Variants in AGMO observed in about 807,000 individuals in gnomAD.
AGMO encodes alkylglycerol monooxygenase.
A neutral mutation model predicts 60.2 loss-of-function variants in AGMO; 75 were observed. That is an observed-to-expected ratio of 1.25 (90% CI 1.03 to 1.51). AGMO has a LOEUF of 1.51. AGMO is among the 40% of genes most tolerant of loss of function. AGMO has a pLI of 0.00. For missense variants in AGMO, 763 were observed against 525.5 expected (o/e 1.45, Z -4.42); for synonymous variants, 261 against 177.1 (o/e 1.47, Z -3.76).
At chr7:15,545,069 T>C (rs943945829) in intron 2 of AGMO, 146 bp from the exon 3 acceptor site, 2 of 531,660 alleles carry the variant, frequency 3.8e-6, no homozygotes, top group Non-Finnish European at 5.8e-6. Flanking sequence ...ATGTCATTCC[T>C]TTTAAAGGCT....
At chr7:15,161,536 A>G in the AGMO span, among the ~76,000 whole-genome samples, 5 of 151,650 alleles carry the variant, frequency 3.3e-5, no homozygotes, top group East Asian at 7.8e-4. Context: ...TATGGATCAT[A>G]TATGCATTAA....
At chr7:15,490,061 G>T (rs1034373860) in intron 3 of AGMO, among the ~76,000 whole-genome samples, 9 of 152,156 alleles carry the variant, frequency 5.9e-5, no homozygotes, top group African/African-American at 2.2e-4. Flanking sequence ...ATATCAAAAA[G>T]ATATTATAAC....
chr7:15,171,656 T>A, the AGMO span, among the ~76,000 whole-genome samples: 1 of 152,222 alleles, frequency 6.6e-6, no homozygotes, highest in African/African-American at 2.4e-5. Context: ...TCTTTCCATG[T>A]CATAAATTAT....
the AGMO span, among the ~76,000 whole-genome samples, chr7:15,146,066 G>A: frequency 4.6e-5 from 7 of 152,128 alleles, no homozygotes; most frequent in South Asian, 2.1e-4. Context: ...AAAAACTAAC[G>A]AAACAGATCT....
chr7:15,343,090 C>A (rs1781917609), intron 12 of AGMO, among the ~76,000 whole-genome samples: 1 of 151,944 alleles, frequency 6.6e-6, no homozygotes, highest in Non-Finnish European at 1.5e-5. Flanking sequence ...TTTATATTTT[C>A]CTATAGCAAT....
intron 2 of AGMO, among the ~76,000 whole-genome samples, chr7:15,546,116 C>A (rs1784776488): frequency 6.6e-6 from 1 of 151,934 alleles, no homozygotes. Flanking sequence ...TAATTTTATT[C>A]TTGAATTTAA....
chr7:15,220,798 C>T (rs1017188419), intron 12 of AGMO, among the ~76,000 whole-genome samples: 1 of 151,938 alleles, frequency 6.6e-6, no homozygotes, highest in South Asian at 2.1e-4. Flanking sequence ...CCATAAATAG[C>T]ATATATTTTC....
intron 3 of AGMO, among the ~76,000 whole-genome samples, chr7:15,489,700 G>A (rs1419766091): frequency 1.3e-5 from 2 of 152,184 alleles, no homozygotes; most frequent in African/African-American, 2.4e-5. Flanking sequence ...TGAAATGAGT[G>A]CGTTCATCAA....
intron 3 of AGMO, among the ~76,000 whole-genome samples, chr7:15,451,664 G>T (rs1430964676): frequency 1.3e-5 from 2 of 152,092 alleles, no homozygotes; most frequent in African/African-American, 4.8e-5. Flanking sequence ...ATGGGTTAAA[G>T]ACCTTAGTAT....
chr7:15,373,133 G>A (rs1783286161), intron 10 of AGMO, among the ~76,000 whole-genome samples: 1 of 151,892 alleles, frequency 6.6e-6, no homozygotes, highest in Non-Finnish European at 1.5e-5. Context: ...AAATTATCTG[G>A]GCATGGTGGC....
At chr7:15,325,222 C>A (rs10265379) in intron 12 of AGMO, among the ~76,000 whole-genome samples, 6 of 152,132 alleles carry the variant, frequency 3.9e-5, no homozygotes, top group African/African-American at 1.4e-4. Flanking sequence ...TCCAAATTAA[C>A]TTGCATTATA....
downstream of AGMO, among the ~76,000 whole-genome samples, chr7:15,196,363 T>C (rs187536535): frequency 6.6e-6 from 1 of 152,284 alleles, no homozygotes; most frequent in Non-Finnish European, 1.5e-5. Flanking sequence ...CCGTTTCTTT[T>C]AAAATGTATG....
At chr7:15,314,298 G>A (rs1780849994) in intron 12 of AGMO, among the ~76,000 whole-genome samples, 2 of 152,022 alleles carry the variant, frequency 1.3e-5, no homozygotes, top group Non-Finnish European at 2.9e-5. Context: ...AGTTGATCAT[G>A]GTAACTGAAA....
chr7:15,300,875 C>T (rs1161090256), intron 12 of AGMO, among the ~76,000 whole-genome samples: 1 of 152,066 alleles, frequency 6.6e-6, no homozygotes, highest in African/African-American at 2.4e-5. Context: ...TACTTTTTTC[C>T]TAGGATTAAT....
intron 12 of AGMO, among the ~76,000 whole-genome samples, chr7:15,321,765 T>C (rs868827108): frequency 6.6e-6 from 1 of 152,210 alleles, no homozygotes; most frequent in Admixed American, 6.6e-5. Context: ...GGTTTTTCTG[T>C]AACTTGAACT....
intron 2 of AGMO, among the ~76,000 whole-genome samples, chr7:15,559,936 A>G (rs1785257191): frequency 6.6e-6 from 1 of 152,166 alleles, no homozygotes; most frequent in Non-Finnish European, 1.5e-5. Flanking sequence ...CAGAGTCAAG[A>G]TAAATAATGT....
intron 12 of AGMO, among the ~76,000 whole-genome samples, chr7:15,323,297 T>A (rs1264934802): frequency 1.3e-5 from 2 of 152,130 alleles, no homozygotes; most frequent in African/African-American, 4.8e-5. Context: ...TCTGACTGTT[T>A]AACTTTTTGT....
the AGMO span, among the ~76,000 whole-genome samples, chr7:15,147,492 A>T: frequency 6.6e-6 from 1 of 152,128 alleles, no homozygotes; most frequent in African/African-American, 2.4e-5. Context: ...AGAAGAGCAT[A>T]AGACCCGCCT....
intron 3 of AGMO, among the ~76,000 whole-genome samples, chr7:15,483,777 A>G (rs1204345681): frequency 1.3e-5 from 2 of 152,212 alleles, no homozygotes; most frequent in African/African-American, 2.4e-5. Context: ...TAAATTCAAT[A>G]CAATTGTAAT....
Sources: allele counts gnomAD v4.1 joint callset (sites outside exome capture counted in the v4.1 genomes callset), GRCh38; gene constraint gnomAD v4.1.1; transcripts MANE v1.5; gene names NCBI Gene and HGNC (gene_info 2026-07-23, HGNC 2026-07-21).